Variants in FAM200A observed in about 807,000 individuals in gnomAD.
FAM200A encodes protein FAM200A.
In FAM200A, 26 loss-of-function variants were observed where a neutral mutation model predicts 44.2. The observed-to-expected ratio is 0.59, with a 90% CI of 0.43 to 0.82. The LOEUF (loss-of-function observed/expected upper bound fraction) is 0.82, where lower values mean the gene tolerates loss of function less well. Ranked by LOEUF, FAM200A falls within the 40% of genes least tolerant of loss-of-function variation. The probability of loss-of-function intolerance (pLI) is 0.00; values close to 1 mark genes in which losing one functional copy is unlikely to be tolerated. For missense variants in FAM200A, 606 were observed against 669.5 expected (o/e 0.91, Z 1.05); for synonymous variants, 206 against 244.4 (o/e 0.84, Z 1.47).
rs900209911 is a variant in FAM200A, at chr7:99,546,976, A to G, written c.1432T>C (p.Leu478=). Reference sequence around the variant, plus strand: ...AGTGTGAATGATGAACTGAGCTGCAATAATTCATTCTCTTCTTCAGGCTCC... The same window carrying G: ...AGTGTGAATGATGAACTGAGCTGCAGTAATTCATTCTCTTCTTCAGGCTCC... ...NLEPEEENEL[L]QLSSSFTLKN... is the part of the protein sequence containing the mutation. Residue 478 remains leucine, a synonymous_variant, in exon 2 of 2, where the codon TTG becomes CTG. Transcript: ENST00000449309. 8.4e-6 allele frequency: 13 copies of G among 1,550,282 alleles called. No homozygotes were observed. The highest frequency in any genetic ancestry group is 8.2e-5 in the African/African-American group (6 of 73,044).
Position 99,551,947 on chromosome 7 carries a change from C to T in FAM200A, c.-193G>A, listed in dbSNP as rs1040870284. 12 of 985,418 alleles carry T rather than the reference C, an allele frequency of 1.2e-5. No individual in the cohort carries two copies. The highest frequency in any genetic ancestry group is 8.7e-5 in the African/African-American group (5 of 57,260). The allele number at this position is 985,418 out of a possible 1,614,324, so 61.0% of individuals were successfully genotyped here. On this transcript the variant is annotated 5_prime_UTR_variant, in exon 1 of 2. Coordinates refer to ENST00000449309, the MANE Select transcript of FAM200A (RefSeq NM_145111.4). ...GCACGGACCCGCTTCCACTCCGTCCCGGGCGGTCGTGGCGAGGGGATTGCA... is the reference window on the plus strand; with the variant it reads ...GCACGGACCCGCTTCCACTCCGTCCTGGGCGGTCGTGGCGAGGGGATTGCA...
In FAM200A at chr7:99,548,298, T is replaced by TGAAAATG. The variant is rs1802436811; in HGVS notation, c.103_109dup (p.Gln37ProfsTer24). On this transcript the variant is annotated frameshift_variant, in exon 2 of 2. Transcript: ENST00000449309. LOFTEE classifies it high-confidence loss of function. Reference sequence around the variant, plus strand: ...TGACTCTACTTTGTTTCTTTCCTTTTGAAAATGGTCTTCTTCATCTTCCTC... The same window carrying TGAAAATG: ...TGACTCTACTTTGTTTCTTTCCTTTTGAAAATGGAAAATGGTCTTCTTCATCTTCCTC... 6.2e-7 allele frequency: 1 copy of TGAAAATG among 1,614,194 alleles called. No homozygotes were observed. Among genetic ancestry groups the TGAAAATG allele is most frequent in the African/African-American group, 1.3e-5 (1 of 75,054 alleles).
upstream of FAM200A, among the ~76,000 whole-genome samples, chr7:99,553,070 CATATATATATAT>C (rs1178743418): frequency 6.8e-5 from 5 of 74,028 alleles, no homozygotes; most frequent in Non-Finnish European, 9.7e-5. Flanking sequence ...TATACACACA[CATATATATATAT>C]ATATATATAT....
chr7:99,553,090 T>TAC (rs1802592259), upstream of FAM200A, among the ~76,000 whole-genome samples: 1 of 102,042 alleles, frequency 9.8e-6, no homozygotes, highest in African/African-American at 5.8e-5. Flanking sequence ...TATATATATA[T>TAC]ATATATATAT....
chr7:99,549,148 T>C (rs1161603051), intron 1 of FAM200A, among the ~76,000 whole-genome samples: 3 of 141,860 alleles, frequency 2.1e-5, no homozygotes, highest in African/African-American at 7.9e-5. Flanking sequence ...CACTGGGGCA[T>C]AGGGAAAAAA....
chr7:99,554,216 C>T (rs1250418044), upstream of FAM200A, among the ~76,000 whole-genome samples: 2 of 152,090 alleles, frequency 1.3e-5, no homozygotes, highest in Non-Finnish European at 2.9e-5. Context: ...CACGGTGGCT[C>T]ACACCTGTAA....
chr7:99,551,578 C>T (rs890792328), intron 1 of FAM200A, among the ~76,000 whole-genome samples: 2 of 152,090 alleles, frequency 1.3e-5, no homozygotes, highest in African/African-American at 4.8e-5. Context: ...CGAGCCCATC[C>T]GAATAAAACA....
Position 99,547,764 on chromosome 7 carries a change from G to A in FAM200A, c.644C>T (p.Ala215Val). 2 of 1,551,608 alleles carry A rather than the reference G, an allele frequency of 1.3e-6. No individual in the cohort carries two copies. Among genetic ancestry groups the A allele is most frequent in the Non-Finnish European group, 1.7e-6 (2 of 1,146,986 alleles). Reference protein sequence around the residue: ...HCKGISSDGTANMTGKHSRLT... With the variant: ...HCKGISSDGTVNMTGKHSRLT... ...TCTGCTGTGTTTTCCGGTCATATTTGCTGTTCCATCACTTGAAATTCCTTT... is the reference window on the plus strand; with the variant it reads ...TCTGCTGTGTTTTCCGGTCATATTTACTGTTCCATCACTTGAAATTCCTTT... The change falls in exon 2 of 2, where the codon GCA becomes GTA. Residue 215 changes from alanine (A) to valine (V), a missense_variant. By Grantham distance (64) the Ala-to-Val change is moderately conservative (BLOSUM62 0). Coordinates refer to ENST00000449309, the MANE Select transcript of FAM200A (RefSeq NM_145111.4).
intron 1 of FAM200A, among the ~76,000 whole-genome samples, chr7:99,551,301 G>C (rs899978481): frequency 2.0e-5 from 3 of 151,988 alleles, no homozygotes; most frequent in African/African-American, 7.2e-5. Flanking sequence ...CCGGGTTCAA[G>C]CGATTCCCCT....
rs1047235464 is a variant in FAM200A, at chr7:99,548,856, T to TA, written c.-99-351dup. On this transcript the variant is annotated intron_variant, in intron 1 of 1. Coordinates refer to ENST00000449309, the MANE Select transcript of FAM200A (RefSeq NM_145111.4). ...AAATATGCTGCTACACTGCCAACTC[T>TA]AAAAAGTGATCTGGTCATTCTTTTT... Among the ~76,000 whole-genome samples the TA allele has an allele frequency of 4.1e-3, 559 of 136,256 alleles. 3 individuals carry two copies. Among genetic ancestry groups the TA allele is most frequent in the African/African-American group, 0.014 (534 of 37,502 alleles). The allele number at this position is 136,256 out of a possible 152,430, so 89.4% of individuals were successfully genotyped here.
Position 99,550,085 on chromosome 7 carries a change from G to T in FAM200A, c.-99-1579C>A, listed in dbSNP as rs898600863. On this transcript the variant is annotated intron_variant, in intron 1 of 1. Transcript: ENST00000449309. ...AATAATAAAAAAAAACTTAAAAAAA[G>T]TTATTACCTGACTTTACTAAATGAA... Among the ~76,000 whole-genome samples, 3 of 151,732 alleles carry T rather than the reference G, an allele frequency of 2.0e-5. No individual in the cohort carries two copies. The East Asian group carries it at 5.8e-4, about 29-fold the overall frequency.
In FAM200A at chr7:99,546,705, T is replaced by C; in HGVS notation, c.1703A>G (p.Gln568Arg). ...VPDWKELMNR[Q>R]AHPSH ...TTGTATTTAATGTGATGGGTGTGCT[T>C]GTCTGTTCATAAGTTCCTTCCAGTC... Residue 568 changes from glutamine (Q) to arginine (R), a missense_variant, in exon 2 of 2, where the codon CAA (glutamine) becomes CGA (arginine). Physicochemically the swap from Gln to Arg is conservative, Grantham distance 43. Transcript: ENST00000449309. 6.5e-7 allele frequency: 1 copy of C among 1,531,934 alleles called. No individual in the cohort carries two copies. Among genetic ancestry groups the C allele is most frequent in the South Asian group, 1.2e-5 (1 of 80,386 alleles). 94.9% of individuals were successfully genotyped at this position (1,531,934 alleles called of 1,614,324 possible).
At chr7:99,552,271 G>C, upstream of FAM200A, 1 of 648,900 alleles carries the variant, frequency 1.5e-6, no homozygotes, top group Non-Finnish European at 1.9e-6. Flanking sequence ...AGGTGCACAG[G>C]GCGGGGAAAA....
chr7:99,554,497 A>AAAAG (rs1562927706), upstream of FAM200A, among the ~76,000 whole-genome samples: 2 of 151,524 alleles, frequency 1.3e-5, no homozygotes, highest in African/African-American at 2.4e-5. Flanking sequence ...AAAAAAAAAA[A>AAAAG]AAAGAAAAAT....
upstream of FAM200A, among the ~76,000 whole-genome samples, chr7:99,554,024 A>AT (rs1802627556): frequency 6.6e-6 from 1 of 152,240 alleles, no homozygotes; most frequent in Non-Finnish European, 1.5e-5. Context: ...TTTAGAGCAT[A>AT]TATCAATTCT....
chr7:99,557,896 C>A (rs900810639), intron 1 of FAM200A, among the ~76,000 whole-genome samples: 1 of 152,198 alleles, frequency 6.6e-6, no homozygotes, highest in African/African-American at 2.4e-5. Context: ...GCAGATCTAG[C>A]TTCACCTACA....
rs977211398 is a variant in FAM200A at position 99,548,494 on chromosome 7, A to G, written c.-87T>C. On this transcript the variant is annotated 5_prime_UTR_variant, in exon 2 of 2. Coordinates refer to ENST00000449309, the MANE Select transcript of FAM200A (RefSeq NM_145111.4). The stretch of plus-strand genomic sequence containing the variant: ...TTTGTGACCTAGGTTTTATGAGATC[A>G]GGTTTTGCTATCCTGCAGGGTAGAA... 3 of 1,521,032 alleles carry G rather than the reference A, an allele frequency of 2.0e-6. No individual in the cohort carries two copies. Among genetic ancestry groups the G allele is most frequent in the African/African-American group, 2.8e-5 (2 of 71,882 alleles). The allele number at this position is 1,521,032 out of a possible 1,614,324, so 94.2% of individuals were successfully genotyped here.
chr7:99,548,551 G>T, intron 1 of FAM200A, 45 bp from the exon 2 acceptor site: 1 of 1,396,216 alleles, frequency 7.2e-7, no homozygotes, highest in Non-Finnish European at 9.5e-7. Flanking sequence ...AAGCAACATG[G>T]TATTGCTGGG....
At chr7:99,557,255 A>T (rs1802715820) in intron 1 of FAM200A, among the ~76,000 whole-genome samples, 1 of 152,158 alleles carries the variant, frequency 6.6e-6, no homozygotes, top group East Asian at 1.9e-4. Context: ...TGCCTGAGTC[A>T]GCTAAAACTT....
Sources: allele counts gnomAD v4.1 joint callset (sites outside exome capture counted in the v4.1 genomes callset), GRCh38; gene constraint gnomAD v4.1.1; transcripts MANE v1.5; gene names NCBI Gene and HGNC (gene_info 2026-07-23, HGNC 2026-07-21).